Variants in TMEM117 observed in about 807,000 individuals in gnomAD.
TMEM117 encodes transmembrane protein 117.
In TMEM117, 27 loss-of-function variants were observed where a neutral mutation model predicts 52.4. That is an observed-to-expected ratio of 0.51 (90% confidence interval 0.38 to 0.71). The LOEUF is 0.71. Ranked by LOEUF, TMEM117 falls within the 30% of genes least tolerant of loss-of-function variation. TMEM117 has a pLI of 0.00. For synonymous variants in TMEM117, 215 were observed against 206.3 expected (o/e 1.04, Z -0.36); for missense variants, 556 against 630.5 (o/e 0.88, Z 1.26).
chr12:44,217,230 A>G (rs1949730346), intron 5 of TMEM117, among the ~76,000 whole-genome samples: 1 of 152,198 alleles, frequency 6.6e-6, no homozygotes, highest in South Asian at 2.1e-4. Context: ...TCTACAGAGC[A>G]ACTCATTTGC....
chr12:44,332,191 C>T (rs1234117337), intron 6 of TMEM117, among the ~76,000 whole-genome samples: 2 of 152,018 alleles, frequency 1.3e-5, no homozygotes, highest in African/African-American at 2.4e-5. Context: ...TCCAGTTTCC[C>T]ATATCTATAA....
At chr12:43,837,326 A>C (rs1384976770) in intron 1 of TMEM117, among the ~76,000 whole-genome samples, 1 of 151,878 alleles carries the variant, frequency 6.6e-6, no homozygotes, top group Non-Finnish European at 1.5e-5. Context: ...TGATCATGGC[A>C]ATTTCTTTTC....
At chr12:43,934,331 A>G (rs1944917256) in intron 2 of TMEM117, among the ~76,000 whole-genome samples, 1 of 152,170 alleles carries the variant, frequency 6.6e-6, no homozygotes, top group Admixed American at 6.5e-5. Context: ...GCAATAAGCA[A>G]TTTGATTTAG....
chr12:43,806,014 C>T, the TMEM117 span: 1 of 1,524,402 alleles, frequency 6.6e-7, no homozygotes, highest in Non-Finnish European at 8.8e-7. Context: ...TGCAACGTGA[C>T]GGCAGCAGGG....
At chr12:43,993,808 A>G (rs1047666547) in intron 3 of TMEM117, among the ~76,000 whole-genome samples, 3 of 151,890 alleles carry the variant, frequency 2.0e-5, no homozygotes, top group Non-Finnish European at 2.9e-5. Context: ...GATTCTCCCA[A>G]CTCAGCCTGT....
chr12:44,136,794 A>G (rs929042266), intron 3 of TMEM117, among the ~76,000 whole-genome samples: 1 of 152,116 alleles, frequency 6.6e-6, no homozygotes, highest in Non-Finnish European at 1.5e-5. Context: ...TATGTTCTTT[A>G]TTTTGATTTA....
chr12:43,944,222 G>C lies in TMEM117; in HGVS notation c.290G>C (p.Arg97Pro). 6.2e-7 allele frequency: 1 copy of C among 1,610,942 alleles called. No homozygotes were observed. The highest frequency in any genetic ancestry group is 8.5e-7 in the Non-Finnish European group (1 of 1,178,886). The change falls in exon 3 of 8, where the codon CGA becomes CCA. Residue 97 changes from arginine to proline, a missense_variant. This residue lies in a region of TMEM117 where 328 missense variants were observed against 371.4 expected (regional missense o/e 0.88). Coordinates refer to ENST00000266534, the MANE Select transcript of TMEM117 (RefSeq NM_032256.3). Reference sequence around the variant, plus strand: ...ATTTGTATTTCAGGTCAGTTGCTCCGATTAAAAATGTTTCGAGAAGATCAT... The same window carrying C: ...ATTTGTATTTCAGGTCAGTTGCTCCCATTAAAAATGTTTCGAGAAGATCAT... ...FHQRLFGQLL[R>P]LKMFREDHGS... is the part of the protein sequence containing the mutation.
intron 5 of TMEM117, among the ~76,000 whole-genome samples, chr12:44,233,954 A>G (rs1949963090): frequency 6.6e-6 from 1 of 151,432 alleles, no homozygotes; most frequent in South Asian, 2.1e-4. Context: ...ATCTGGTATA[A>G]ACAGAATTTA....
chr12:44,173,036 CT>C (rs1185878045), intron 4 of TMEM117, among the ~76,000 whole-genome samples: 1 of 152,042 alleles, frequency 6.6e-6, no homozygotes, highest in Non-Finnish European at 1.5e-5. Flanking sequence ...CAAAATCTTT[CT>C]TTTTTTCAAG....
intron 4 of TMEM117, among the ~76,000 whole-genome samples, chr12:44,145,018 G>A (rs1948622754): frequency 6.6e-6 from 1 of 152,100 alleles, no homozygotes; most frequent in Non-Finnish European, 1.5e-5. Context: ...TTAGCCAGGC[G>A]TGGTGGCGGG....
At chr12:44,223,534 C>A (rs1949818678) in intron 5 of TMEM117, among the ~76,000 whole-genome samples, 1 of 152,050 alleles carries the variant, frequency 6.6e-6, no homozygotes, top group Non-Finnish European at 1.5e-5. Context: ...TTCTTACCCC[C>A]AAAGTAGAAA....
intron 4 of TMEM117, among the ~76,000 whole-genome samples, chr12:44,184,360 T>TA (rs1949247698): frequency 6.6e-6 from 1 of 151,546 alleles, no homozygotes; most frequent in Non-Finnish European, 1.5e-5. Context: ...TAAAGTAAAA[T>TA]AAAAAAGTAG....
the TMEM117 span, chr12:43,806,091 C>G: frequency 2.0e-6 from 3 of 1,519,686 alleles, no homozygotes; most frequent in South Asian, 2.4e-5. Context: ...GCGCCGAGGC[C>G]CGGCTCGCCC....
intron 3 of TMEM117, among the ~76,000 whole-genome samples, chr12:44,132,955 A>G (rs1452393962): frequency 2.6e-5 from 4 of 152,202 alleles, no homozygotes; most frequent in African/African-American, 9.7e-5. Context: ...GGTCCCAACT[A>G]CTTACACCTG....
chr12:43,977,801 G>A (rs1945697013), intron 3 of TMEM117, among the ~76,000 whole-genome samples: 1 of 152,146 alleles, frequency 6.6e-6, no homozygotes, highest in Non-Finnish European at 1.5e-5. Context: ...ACCATTACCA[G>A]TTTTAATTTT....
chr12:44,167,278 A>C (rs779659594), intron 4 of TMEM117, among the ~76,000 whole-genome samples: 1 of 152,202 alleles, frequency 6.6e-6, no homozygotes, highest in Non-Finnish European at 1.5e-5. Flanking sequence ...GTTGCCTTGC[A>C]TTAAATGCCT....
At chr12:44,318,889 A>G (rs1298893407) in intron 6 of TMEM117, among the ~76,000 whole-genome samples, 1 of 152,170 alleles carries the variant, frequency 6.6e-6, no homozygotes, top group East Asian at 1.9e-4. Flanking sequence ...TGGAGCAGAG[A>G]GTGTCCCCTG....
chr12:44,327,108 T>G (rs1951206375), intron 6 of TMEM117, among the ~76,000 whole-genome samples: 1 of 152,150 alleles, frequency 6.6e-6, no homozygotes, highest in Admixed American at 6.6e-5. Flanking sequence ...CTGTAGGTAC[T>G]GGGGCTACAA....
At chr12:43,939,272 T>G (rs201106521) in intron 2 of TMEM117, among the ~76,000 whole-genome samples, 138 of 152,244 alleles carry the variant, frequency 9.1e-4, no homozygotes, top group African/African-American at 3.2e-3. Flanking sequence ...ATATATAGGT[T>G]GGCCAAATCA....
Sources: gnomAD v4.1 joint callset for allele counts (sites outside exome capture counted in the v4.1 genomes callset) on GRCh38, gnomAD v4.1.1 for gene constraint, gnomAD v4.1.1 regional missense constraint, MANE v1.5 for transcripts, NCBI Gene and HGNC (gene_info 2026-07-23, HGNC 2026-07-21) for gene names.